Variants in CALCR observed in about 807,000 individuals in gnomAD.
CALCR encodes calcitonin receptor.
A neutral mutation model predicts 59.5 loss-of-function variants in CALCR; 47 were observed. The observed-to-expected ratio is 0.79, with a 90% CI of 0.63 to 1.01. CALCR has a LOEUF of 1.01. Among genes scored for constraint, CALCR ranks in the 50% least tolerant of loss-of-function variants. The pLI, the probability that CALCR is intolerant of heterozygous loss-of-function variation, is 0.00. For synonymous variants in CALCR, 213 were observed against 211.3 expected (o/e 1.01, Z -0.07); for missense variants, 566 against 597.1 (o/e 0.95, Z 0.54).
At chr7:93,503,535 T>G (rs1177395933) in intron 2 of CALCR, among the ~76,000 whole-genome samples, 6 of 152,096 alleles carry the variant, frequency 3.9e-5, no homozygotes, top group Admixed American at 6.6e-5. Flanking sequence ...TTGATTTGAT[T>G]TGATTTGATT....
intron 2 of CALCR, among the ~76,000 whole-genome samples, chr7:93,548,616 G>A (rs1789359788): frequency 6.6e-6 from 1 of 150,450 alleles, no homozygotes; most frequent in Non-Finnish European, 1.5e-5. Context: ...TGTACTTCTT[G>A]CAAAATAGAA....
intron 2 of CALCR, among the ~76,000 whole-genome samples, chr7:93,506,646 ATT>A (rs111234461): frequency 2.1e-4 from 29 of 141,312 alleles, no homozygotes; most frequent in Admixed American, 2.1e-4. Context: ...GTTGATTGTG[ATT>A]TTTTTTTTTT....
intron 7 of CALCR, among the ~76,000 whole-genome samples, chr7:93,467,115 T>C (rs1800456135): frequency 6.6e-6 from 1 of 151,774 alleles, no homozygotes. Context: ...ATAAAAGTTG[T>C]TTGAGAACCA....
intron 2 of CALCR, among the ~76,000 whole-genome samples, chr7:93,558,911 T>C (rs1789673211): frequency 6.6e-6 from 1 of 152,060 alleles, no homozygotes; most frequent in Non-Finnish European, 1.5e-5. Flanking sequence ...TTAGACTGAA[T>C]CAGAAACTCT....
At chr7:93,558,611 A>C (rs1210557177) in intron 2 of CALCR, among the ~76,000 whole-genome samples, 1 of 152,078 alleles carries the variant, frequency 6.6e-6, no homozygotes, top group Non-Finnish European at 1.5e-5. Context: ...ATTTATCATC[A>C]TTTAACTGGA....
Position 93,425,103 on chromosome 7 carries a change from G to C in CALCR, c.*1253C>G, listed in dbSNP as rs751335333. The C allele has an allele frequency of 6.6e-6, 1 of 152,532 alleles. No individual in the cohort carries two copies. The highest frequency in any genetic ancestry group is 1.5e-5 in the Non-Finnish European group (1 of 67,984). 9.4% of individuals were successfully genotyped at this position (152,532 alleles called of 1,614,324 possible). A position where few individuals can be genotyped will look rare whatever the true frequency, so the allele number is the denominator to read the frequency against. ...CAAATTAATTTCAGGTGCCAGTAAC[G>C]ATACTGGTTTATTCAGGATTTTCAA... On this transcript the variant is annotated 3_prime_UTR_variant, in exon 14 of 14. Transcript: ENST00000426151.
At chr7:93,465,519 C>G (rs976950378) in intron 7 of CALCR, among the ~76,000 whole-genome samples, 3 of 151,948 alleles carry the variant, frequency 2.0e-5, no homozygotes, top group African/African-American at 7.2e-5. Context: ...CTATCTTTAA[C>G]TGGTGTACCA....
At chr7:93,493,817 AAACTTTT>A (rs1801137924) in intron 2 of CALCR, among the ~76,000 whole-genome samples, 1 of 151,538 alleles carries the variant, frequency 6.6e-6, no homozygotes, top group Admixed American at 6.6e-5. Flanking sequence ...TGGAGGAGGC[AAACTTTT>A]AATTTGTGTC....
chr7:93,451,233 CT>C (rs1430738612), intron 8 of CALCR, among the ~76,000 whole-genome samples: 6 of 152,076 alleles, frequency 3.9e-5, no homozygotes, highest in African/African-American at 1.4e-4. Context: ...TCATCCAGAA[CT>C]TTTCAAAACC....
chr7:93,520,470 C>T (rs1022728412), intron 2 of CALCR, among the ~76,000 whole-genome samples: 2 of 152,024 alleles, frequency 1.3e-5, no homozygotes, highest in Non-Finnish European at 2.9e-5. Context: ...TCAGAAGAAG[C>T]ATTATTGACT....
rs2115931091 is a variant in CALCR at position 93,486,951 on chromosome 7, C to T, written c.31G>A (p.Ala11Thr). 4 of 1,596,596 alleles carry T rather than the reference C, an allele frequency of 2.5e-6. No individual in the cohort carries two copies. Among genetic ancestry groups the T allele is most frequent in the Admixed American group, 1.7e-5 (1 of 59,258 alleles). The change falls in exon 3 of 14, where the codon GCA becomes ACA. Residue 11 changes from alanine (A) to threonine (T), a missense_variant. Physicochemically the swap from Ala to Thr is moderately conservative, Grantham distance 58. Coordinates refer to ENST00000426151, the MANE Select transcript of CALCR (RefSeq NM_001742.4). Reference protein sequence around the residue: MRFTFTSRCLALFLLLNHPTP... With the variant: MRFTFTSRCLTLFLLLNHPTP... The stretch of plus-strand genomic sequence containing the variant: ...CTTACATTTAGAAGAAGAAACAGTG[C>T]CAAGCACCGGCTTGTAAATGTGAAC...
At position 93,460,580 on chromosome 7, in the gene CALCR, T is replaced by TATATATATATATATATAC. The variant is rs1562982468; in HGVS notation, c.648+240_648+241insGTATATATATATATATAT. 2.9e-4 allele frequency among the ~76,000 whole-genome samples: 33 copies of TATATATATATATATATAC among 111,922 alleles called. No homozygotes were observed. In the South Asian group the frequency reaches 4.6e-3, roughly 16 times the overall value. The allele number at this position is 111,922 out of a possible 152,430, so 73.4% of individuals were successfully genotyped here. On this transcript the variant is annotated intron_variant, in intron 8 of 13. Coordinates refer to ENST00000426151, the MANE Select transcript of CALCR (RefSeq NM_001742.4). ...AAAAAAAAAAAAAAAAAAATATATA[T>TATATATATATATATATAC]ATATATATATATGTATATATATATA... is the stretch of plus-strand genomic sequence containing the variant.
At chr7:93,432,822 G>A (rs1461133014) in intron 13 of CALCR, among the ~76,000 whole-genome samples, 1 of 152,112 alleles carries the variant, frequency 6.6e-6, no homozygotes, top group Non-Finnish European at 1.5e-5. Flanking sequence ...AACCCAAAAG[G>A]CATGGATATA....
At chr7:93,521,149 G>A (rs1801755582) in intron 2 of CALCR, among the ~76,000 whole-genome samples, 1 of 152,038 alleles carries the variant, frequency 6.6e-6, no homozygotes, top group Admixed American at 6.6e-5. Context: ...ATCTTATTTA[G>A]TAAATAGCTC....
chr7:93,426,674 T>A (rs137958361), intron 13 of CALCR, 85 bp from the exon 14 acceptor site: 3 of 723,036 alleles, frequency 4.1e-6, no homozygotes, highest in African/African-American at 3.5e-5. Flanking sequence ...TTAGAGCTTA[T>A]CAGATTTAAA....
At chr7:93,557,042 T>A (rs1015941078) in intron 2 of CALCR, among the ~76,000 whole-genome samples, 3 of 152,060 alleles carry the variant, frequency 2.0e-5, no homozygotes, top group Non-Finnish European at 4.4e-5. Flanking sequence ...GCCATTTGGT[T>A]CATCTCCCAT....
chr7:93,470,229 G>C (rs1800522855), intron 6 of CALCR, among the ~76,000 whole-genome samples: 1 of 150,554 alleles, frequency 6.6e-6, no homozygotes, highest in Non-Finnish European at 1.5e-5. Context: ...TCTTCAGGTA[G>C]CTTTCTTGGG....
At position 93,555,469 on chromosome 7, in the gene CALCR, G is replaced by C. The variant is rs530448142; in HGVS notation, c.-27+18820C>G. ...AGACAGGAAAGGACTAGGGTTAGCAGTCCAAATAAATTTGATAGTGGTTTA... is the reference window on the plus strand; with the variant it reads ...AGACAGGAAAGGACTAGGGTTAGCACTCCAAATAAATTTGATAGTGGTTTA... On this transcript the variant is annotated intron_variant, in intron 2 of 13. Coordinates refer to ENST00000426151, the MANE Select transcript of CALCR (RefSeq NM_001742.4). 2.0e-5 allele frequency among the ~76,000 whole-genome samples: 3 copies of C among 152,228 alleles called. 1 individual carries two copies. The highest frequency in any genetic ancestry group is 7.2e-5 in the African/African-American group (3 of 41,546).
chr7:93,510,853 C>A (rs184504236), intron 2 of CALCR, among the ~76,000 whole-genome samples: 2 of 151,928 alleles, frequency 1.3e-5, no homozygotes, highest in Non-Finnish European at 2.9e-5. Flanking sequence ...GACAACAGAG[C>A]GAGACCTTGT....
Sources: gnomAD v4.1 joint callset for allele counts (sites outside exome capture counted in the v4.1 genomes callset) on GRCh38, gnomAD v4.1.1 for gene constraint, MANE v1.5 for transcripts, NCBI Gene and HGNC (gene_info 2026-07-23, HGNC 2026-07-21) for gene names.